Variants in STK24 observed in about 807,000 individuals in gnomAD.
The protein encoded by STK24 is serine/threonine kinase 24, also known as serine/threonine-protein kinase 24.
In STK24, 21 loss-of-function variants were observed where a neutral mutation model predicts 55.6. The observed-to-expected ratio is 0.38, with a 90% CI of 0.27 to 0.54. The LOEUF (loss-of-function observed/expected upper bound fraction) is 0.54. STK24 is among the 20% of genes least tolerant of loss of function. The probability of loss-of-function intolerance (pLI) is 0.79; values close to 1 mark genes in which losing one functional copy is unlikely to be tolerated. For missense variants in STK24, 383 were observed against 538.4 expected (o/e 0.71, Z 2.86); for synonymous variants, 200 against 215.2 (o/e 0.93, Z 0.62).
At chr13:98,543,905 TC>T (rs1896964932) in intron 1 of STK24, among the ~76,000 whole-genome samples, 2 of 152,186 alleles carry the variant, frequency 1.3e-5, no homozygotes, top group African/African-American at 4.8e-5. Context: ...TGATTTTACT[TC>T]TGGGTCTTTT....
At chr13:98,477,654 G>A (rs1894427369) in intron 3 of STK24, among the ~76,000 whole-genome samples, 1 of 148,434 alleles carries the variant, frequency 6.7e-6, no homozygotes, top group African/African-American at 2.5e-5. Flanking sequence ...CAGCCTGGGT[G>A]ACAGAGCAAG....
In STK24 at chr13:98,478,214, T is replaced by C. The variant is rs566405329; in HGVS notation, c.331-2856A>G. On this transcript the variant is annotated intron_variant, in intron 3 of 10. Transcript: ENST00000539966. ...TTCAGGCACTTGCAGACTCTTCAAA[T>C]AGGACCCAGGAAAAAAACCTAGACC... Among the ~76,000 whole-genome samples the C allele has an allele frequency of 7.2e-5, 11 of 152,226 alleles. No homozygotes were observed. In the South Asian group the frequency reaches 2.3e-3, roughly 32 times the overall value.
chr13:98,493,187 G>A (rs1228104081), intron 2 of STK24, among the ~76,000 whole-genome samples: 1 of 152,126 alleles, frequency 6.6e-6, no homozygotes, highest in Non-Finnish European at 1.5e-5. Flanking sequence ...ATTCTTCTTG[G>A]GATTTATGTC....
At chr13:98,508,058 A>G (rs1895755960) in intron 2 of STK24, among the ~76,000 whole-genome samples, 1 of 152,200 alleles carries the variant, frequency 6.6e-6, no homozygotes, top group African/African-American at 2.4e-5. Flanking sequence ...ATAAAGAAAC[A>G]CGTAGCCTGC....
chr13:98,461,987 T>C lies in STK24; in HGVS notation c.930-90A>G, dbSNP rs1893727159. The C allele has an allele frequency of 7.8e-6, 12 of 1,538,326 alleles. No homozygotes were observed. In the South Asian group the frequency reaches 1.3e-4, roughly 17 times the overall value. The stretch of plus-strand genomic sequence containing the variant: ...TTCAGGGGGAGGCCGCCTGGGGACC[T>C]CTAAACCCACACCCACCAGCCCCAA... On this transcript the variant is annotated intron_variant, in intron 7 of 10. Transcript: ENST00000539966.
intron 2 of STK24, among the ~76,000 whole-genome samples, chr13:98,500,675 T>G (rs1301803027): frequency 7.4e-6 from 1 of 135,120 alleles, no homozygotes; most frequent in African/African-American, 2.8e-5. Flanking sequence ...GAGACCCTTC[T>G]GCCATGCCTC....
intron 2 of STK24, among the ~76,000 whole-genome samples, chr13:98,493,609 T>C (rs1396684800): frequency 6.6e-6 from 1 of 152,180 alleles, no homozygotes; most frequent in Non-Finnish European, 1.5e-5. Flanking sequence ...TAACACGTGT[T>C]CTTTCTGCAA....
intron 3 of STK24, 38 bp from the exon 4 acceptor site, chr13:98,475,396 A>G: frequency 7.0e-7 from 1 of 1,422,752 alleles, no homozygotes; most frequent in Non-Finnish European, 9.7e-7. Flanking sequence ...TACTTAAATG[A>G]TTATCTTATG....
At chr13:98,499,548 T>TC (rs1025758695) in intron 2 of STK24, among the ~76,000 whole-genome samples, 5 of 152,314 alleles carry the variant, frequency 3.3e-5, no homozygotes, top group African/African-American at 1.2e-4. Context: ...ATGTCATGTT[T>TC]CCATGGGGCA....
intron 1 of STK24, among the ~76,000 whole-genome samples, chr13:98,530,628 G>C (rs1297462165): frequency 2.0e-5 from 3 of 152,144 alleles, no homozygotes; most frequent in Non-Finnish European, 4.4e-5. Flanking sequence ...TACAACACAA[G>C]GGCACAAAAG....
At chr13:98,498,957 A>G (rs1895345637) in intron 2 of STK24, among the ~76,000 whole-genome samples, 1 of 151,712 alleles carries the variant, frequency 6.6e-6, no homozygotes, top group African/African-American at 2.4e-5. Context: ...GTTCCTTTGA[A>G]AACAGCTTCA....
chr13:98,518,182 C>T (rs1228042271), intron 2 of STK24, among the ~76,000 whole-genome samples: 1 of 152,220 alleles, frequency 6.6e-6, no homozygotes, highest in African/African-American at 2.4e-5. Flanking sequence ...AAAGGGATCA[C>T]TGCTCAATTT....
intron 2 of STK24, among the ~76,000 whole-genome samples, chr13:98,506,733 C>T (rs928758414): frequency 7.2e-5 from 11 of 152,156 alleles, no homozygotes; most frequent in African/African-American, 2.4e-4. Context: ...TGAGCATCGG[C>T]GAAGCACTAA....
chr13:98,564,704 AGAC>A, intron 1 of STK24, among the ~76,000 whole-genome samples: 1 of 152,300 alleles, frequency 6.6e-6, no homozygotes. Context: ...TTTTCCAAAA[AGAC>A]TACTGCACCC....
At chr13:98,487,504 C>G (rs1894852935) in intron 2 of STK24, among the ~76,000 whole-genome samples, 2 of 151,990 alleles carry the variant, frequency 1.3e-5, no homozygotes, top group Non-Finnish European at 2.9e-5. Context: ...ACCCAGCAAA[C>G]CAACCGTCCC....
intron 1 of STK24, among the ~76,000 whole-genome samples, chr13:98,554,637 C>T (rs1157418316): frequency 6.6e-6 from 1 of 152,184 alleles, no homozygotes; most frequent in Non-Finnish European, 1.5e-5. Context: ...CCAGCCTGAG[C>T]AAGGTAAGAC....
At chr13:98,458,159 C>A (rs1461552992) in intron 9 of STK24, among the ~76,000 whole-genome samples, 1 of 152,180 alleles carries the variant, frequency 6.6e-6, no homozygotes, top group Non-Finnish European at 1.5e-5. Context: ...GGCACCTCTA[C>A]TCCCAAGAGA....
chr13:98,446,777 G>T lies in STK24; in HGVS notation c.*6396C>A. On this transcript the variant is annotated 3_prime_UTR_variant, in exon 11 of 11. Transcript: ENST00000539966. ...GTTCAAGCTGCACTTCAAGTCCCAC[G>T]TCTACTACTTCAGGGCGGAAAGCGA... 6.2e-7 allele frequency: 1 copy of T among 1,614,126 alleles called. No homozygotes were observed. Among genetic ancestry groups the T allele is most frequent in the South Asian group, 1.1e-5 (1 of 91,072 alleles).
intron 2 of STK24, among the ~76,000 whole-genome samples, chr13:98,512,312 G>C (rs955289534): frequency 6.6e-6 from 1 of 152,110 alleles, no homozygotes; most frequent in Non-Finnish European, 1.5e-5. Context: ...TACATAGGTC[G>C]ATGATGATGG....
Sources: gnomAD v4.1 joint callset for allele counts (sites outside exome capture counted in the v4.1 genomes callset) on GRCh38, gnomAD v4.1.1 for gene constraint, MANE v1.5 for transcripts, NCBI Gene and HGNC (gene_info 2026-07-23, HGNC 2026-07-21) for gene names.